Variants in HTR3A observed in about 807,000 individuals in gnomAD.
HTR3A encodes 5-hydroxytryptamine (serotonin) receptor 3A, ionotropic.
HTR3A carries 45 observed loss-of-function variants against 54.8 expected under a neutral mutation model. That is an observed-to-expected ratio of 0.82 (90% confidence interval 0.65 to 1.05). The LOEUF is 1.05. Ranked by LOEUF, HTR3A falls within the 50% of genes least tolerant of loss-of-function variation. The pLI is 0.00. For missense variants in HTR3A, 657 were observed against 614.0 expected (o/e 1.07, Z -0.74); for synonymous variants, 297 against 256.0 (o/e 1.16, Z -1.53).
At position 113,985,933 on chromosome 11, in the gene HTR3A, G is replaced by A. The variant is rs1054543770; in HGVS notation, c.545-82G>A. ...CGGATATCAGCTCCCCTTAATTGCTGCCCACCTGTGTCCCATCATCACAGG... is the reference window on the plus strand; with the variant it reads ...CGGATATCAGCTCCCCTTAATTGCTACCCACCTGTGTCCCATCATCACAGG... On this transcript the variant is annotated intron_variant, in intron 5 of 8. Transcript: ENST00000504030. The A allele has an allele frequency of 1.0e-5, 15 of 1,481,964 alleles. No individual in the cohort carries two copies. In the African/African-American group the frequency reaches 1.9e-4, roughly 19 times the overall value. The allele number at this position is 1,481,964 out of a possible 1,614,324, so 91.8% of individuals were successfully genotyped here. A position where few individuals can be genotyped will look rare whatever the true frequency, so the allele number is the denominator to read the frequency against.
Position 113,986,733 on chromosome 11 carries a change from G to T in HTR3A, c.916+5G>T. The T allele has an allele frequency of 1.9e-6, 3 of 1,614,140 alleles. No individual in the cohort carries two copies. The highest frequency in any genetic ancestry group is 2.5e-6 in the Non-Finnish European group (3 of 1,180,022). The stretch of plus-strand genomic sequence containing the variant: ...CCATCGGCACTCCTCTCATTGGTAA[G>T]GCCCCTCCTGGCAGCAGAGCTCAGT... On this transcript the variant is annotated splice_donor_5th_base_variant and intron_variant, in intron 7 of 8. Transcript: ENST00000504030.
At chr11:113,977,735 G>A (rs751495647) in intron 1 of HTR3A, 36 bp from the exon 2 acceptor site, 24 of 1,609,780 alleles carry the variant, frequency 1.5e-5, no homozygotes, top group African/African-American at 2.7e-5. Context: ...AAGTCTTGGG[G>A]GGCTGGTGTC....
At chr11:113,983,416 C>A in intron 5 of HTR3A, 127 bp downstream of exon 5, 1 of 943,452 alleles carries the variant, frequency 1.1e-6, no homozygotes, top group Non-Finnish European at 1.7e-6. Flanking sequence ...CCTCTGCTTC[C>A]TCATCCTCTG....
chr11:113,979,741 T>C (rs571937871), intron 3 of HTR3A, among the ~76,000 whole-genome samples: 2 of 152,270 alleles, frequency 1.3e-5, no homozygotes, highest in Non-Finnish European at 2.9e-5. Flanking sequence ...GGTCAGCCCC[T>C]GGTGTGTGGA....
At position 113,989,287 on chromosome 11, in the gene HTR3A, C is replaced by T. The variant is rs1027825886; in HGVS notation, c.1139-178C>T. Among the ~76,000 whole-genome samples the T allele has an allele frequency of 1.4e-4, 21 of 152,022 alleles. No homozygotes were observed. Among genetic ancestry groups the T allele is most frequent in the African/African-American group, 4.6e-4 (19 of 41,454 alleles). On this transcript the variant is annotated intron_variant, in intron 8 of 8. Coordinates refer to ENST00000504030, the MANE Select transcript of HTR3A (RefSeq NM_000869.6). The surrounding 1 kb of genome is among the most constrained non-coding windows in gnomAD (Gnocchi z 4.4). ...TTGAGGCAGGAGAATTGCTTGAACT[C>T]GGGAGGCGGAGGTTGCAGTGAGCTT... is the stretch of plus-strand genomic sequence containing the variant.
rs1249933669 is a variant in HTR3A, at chr11:113,986,583, G to A, written c.771G>A (p.Met257Ile). The A allele has an allele frequency of 2.5e-6, 4 of 1,613,462 alleles. No homozygotes were observed. The highest frequency in any genetic ancestry group is 3.4e-6 in the Non-Finnish European group (4 of 1,180,014). ...VSLLLPSIFL[M>I]VMDIVGFYLP... ...TGCTACTGCCCAGCATCTTCCTCAT[G>A]GTCATGGACATCGTGGGCTTCTACC... Residue 257 changes from methionine (M) to isoleucine (I), a missense_variant, in exon 7 of 9, where the codon ATG (methionine) becomes ATA (isoleucine). Met to Ile is a conservative substitution (Grantham distance 10). Coordinates refer to ENST00000504030, the MANE Select transcript of HTR3A (RefSeq NM_000869.6).
At chr11:113,988,102 T>TCTCTA (rs1249512051) in intron 8 of HTR3A, among the ~76,000 whole-genome samples, 4 of 152,234 alleles carry the variant, frequency 2.6e-5, no homozygotes, top group African/African-American at 9.6e-5. Flanking sequence ...TAACCACTCC[T>TCTCTA]CTCCACTCCA....
In HTR3A at chr11:113,983,173, G is replaced by A; in HGVS notation, c.428G>A (p.Gly143Asp). ...NIPYVYIRHQ[G>D]EVQNYKPLQV... ...CCGTACGTGTATATTCGGCATCAAG[G>A]CGAAGTTCAGAACTACAAGCCCCTT... Residue 143 changes from glycine (G) to aspartate (D), a missense_variant, in exon 5 of 9, where the codon GGC (glycine) becomes GAC (aspartate). Transcript: ENST00000504030. 1.2e-6 allele frequency: 2 copies of A among 1,614,202 alleles called. No individual in the cohort carries two copies. Among genetic ancestry groups the A allele is most frequent in the East Asian group, 2.2e-5 (1 of 44,886 alleles).
chr11:113,985,194 T>C (rs888330368), intron 5 of HTR3A, among the ~76,000 whole-genome samples: 1 of 152,212 alleles, frequency 6.6e-6, no homozygotes, highest in Non-Finnish European at 1.5e-5. Context: ...GGAAACTACA[T>C]GGAAATTGCT....
intron 3 of HTR3A, among the ~76,000 whole-genome samples, chr11:113,980,782 A>G (rs1950412400): frequency 6.6e-6 from 1 of 152,364 alleles, no homozygotes; most frequent in Non-Finnish European, 1.5e-5. Flanking sequence ...TACATTTTAG[A>G]CTGGCCATCC....
intron 4 of HTR3A, among the ~76,000 whole-genome samples, chr11:113,982,466 T>C (rs1405145916): frequency 1.3e-5 from 2 of 152,142 alleles, no homozygotes; most frequent in Non-Finnish European, 2.9e-5. Flanking sequence ...AGTCTTGACT[T>C]CTCATCTCTC....
intron 3 of HTR3A, among the ~76,000 whole-genome samples, chr11:113,980,882 G>A (rs573636099): frequency 6.6e-6 from 1 of 152,386 alleles, no homozygotes; most frequent in South Asian, 2.1e-4. Flanking sequence ...ATATAAATAT[G>A]TTGAGACCAA....
chr11:113,987,197 G>A, intron 8 of HTR3A, 151 bp downstream of exon 8: 1 of 789,134 alleles, frequency 1.3e-6, no homozygotes, highest in Non-Finnish European at 2.1e-6. Context: ...GCAGCCTTCA[G>A]CCAAAGATGT....
rs755656687 is a variant in HTR3A at position 113,975,263 on chromosome 11, G to A, written c.-63G>A. 9.0e-6 allele frequency: 14 copies of A among 1,555,278 alleles called. No homozygotes were observed. Among genetic ancestry groups the A allele is most frequent in the Middle Eastern group, 1.7e-4 (1 of 5,944 alleles). On this transcript the variant is annotated 5_prime_UTR_variant, in exon 1 of 9. Coordinates refer to ENST00000504030, the MANE Select transcript of HTR3A (RefSeq NM_000869.6). ...CATGAGGTTGGCAGAGGGCAGGCAAGCTGGCCCTTGGTGGGCCTCGTCCTG... is the reference window on the plus strand; with the variant it reads ...CATGAGGTTGGCAGAGGGCAGGCAAACTGGCCCTTGGTGGGCCTCGTCCTG...
intron 1 of HTR3A, chr11:113,977,392 G>T (rs574609937): frequency 8.0e-5 from 51 of 638,862 alleles, no homozygotes; most frequent in Middle Eastern, 3.2e-4. Flanking sequence ...CTTGCTTTTA[G>T]TATCATACCC....
At chr11:113,975,922 G>C (rs148900206) in intron 1 of HTR3A, among the ~76,000 whole-genome samples, 4 of 152,062 alleles carry the variant, frequency 2.6e-5, no homozygotes, top group African/African-American at 9.7e-5. Context: ...CTGGGCCTGC[G>C]GTTCCCCAAG....
At chr11:113,985,818 G>A (rs535317754) in intron 5 of HTR3A, among the ~76,000 whole-genome samples, 197 bp from the exon 6 acceptor site, 6 of 152,144 alleles carry the variant, frequency 3.9e-5, no homozygotes, top group South Asian at 4.2e-4. Context: ...CCCTCAGTGC[G>A]GCCCTGTGAG....
Position 113,987,038 on chromosome 11 carries a change from A to T in HTR3A, c.1130A>T (p.Asp377Val), listed in dbSNP as rs780836356. The change falls in exon 8 of 9, where the codon GAC (aspartate) becomes GTC (valine). Residue 377 changes from aspartate to valine, a missense_variant. Physicochemically the swap from Asp to Val is radical, Grantham distance 152. Coordinates refer to ENST00000504030, the MANE Select transcript of HTR3A (RefSeq NM_000869.6). ...ACCTCCCAAGCCACCAAGACTGATGACTGCTCAGGTGAGAAACAGAAGGGA... is the reference window on the plus strand; with the variant it reads ...ACCTCCCAAGCCACCAAGACTGATGTCTGCTCAGGTGAGAAACAGAAGGGA... ...PATSQATKTD[D>V]CSAMGNHCSH... is the part of the protein sequence containing the mutation. The T allele has an allele frequency of 6.2e-7, 1 of 1,613,460 alleles. No individual in the cohort carries two copies. Among genetic ancestry groups the T allele is most frequent in the Non-Finnish European group, 8.5e-7 (1 of 1,179,958 alleles).
rs550417736 is a variant in HTR3A at position 113,976,951 on chromosome 11, A to G, written c.68-820A>G. On this transcript the variant is annotated intron_variant, in intron 1 of 8. Transcript: ENST00000504030. ...GTGTGAAAACTGAGCTGTGCATGAA[A>G]TCTTCATAGAACAGCACCAGGGTCC... Among the ~76,000 whole-genome samples the G allele has an allele frequency of 3.3e-5, 5 of 151,984 alleles. No individual in the cohort carries two copies. The South Asian group carries it at 1.0e-3, about 32-fold the overall frequency.
Sources: gnomAD v4.1 joint callset for allele counts (sites outside exome capture counted in the v4.1 genomes callset) on GRCh38, gnomAD v4.1.1 for gene constraint, Gnocchi (gnomAD v3.1) non-coding constraint, MANE v1.5 for transcripts, NCBI Gene and HGNC (gene_info 2026-07-23, HGNC 2026-07-21) for gene names.